SASH1: variants seen among roughly 807,000 people sequenced by gnomAD.
The protein encoded by SASH1 is SAM and SH3 domain-containing protein 1.
A neutral mutation model predicts 125.2 loss-of-function variants in SASH1; 44 were observed. That is an observed-to-expected ratio of 0.35 (90% CI 0.28 to 0.45). The LOEUF (loss-of-function observed/expected upper bound fraction) is 0.45. Among genes scored for constraint, SASH1 ranks in the 20% least tolerant of loss-of-function variants. The pLI is 1.00. For synonymous variants in SASH1, 639 were observed against 649.1 expected (o/e 0.98, Z 0.24); for missense variants, 1,426 against 1,614.5 (o/e 0.88, Z 2.00).
chr6:148,482,772 T>C (rs973084324), intron 7 of SASH1, among the ~76,000 whole-genome samples: 5 of 147,280 alleles, frequency 3.4e-5, no homozygotes, highest in Non-Finnish European at 7.4e-5. Flanking sequence ...CACTGCAACC[T>C]CCACCTCCCA....
chr6:148,445,427 T>A (rs551366167), intron 4 of SASH1, among the ~76,000 whole-genome samples: 1 of 152,324 alleles, frequency 6.6e-6, no homozygotes, highest in African/African-American at 2.4e-5. Context: ...CCAGACACTT[T>A]TAAGAATATT....
At chr6:148,295,355 G>C (rs1014313472) in intron 1 of SASH1, among the ~76,000 whole-genome samples, 10 of 152,120 alleles carry the variant, frequency 6.6e-5, no homozygotes, top group Admixed American at 6.6e-4. Context: ...CTCTCTTCCA[G>C]TTTTTGCTTT....
chr6:148,474,231 G>T lies in SASH1; in HGVS notation c.627+9G>T, dbSNP rs1333276117. On this transcript the variant is annotated intron_variant, in intron 7 of 19. Transcript: ENST00000367467. Reference sequence around the variant, plus strand: ...AGGAAGCACTTGCTAGGGTAAGCATGCAGATACCTGGTTTATATTTGTGAG... The same window carrying T: ...AGGAAGCACTTGCTAGGGTAAGCATTCAGATACCTGGTTTATATTTGTGAG... 6.6e-7 allele frequency: 1 copy of T among 1,514,342 alleles called. No individual in the cohort carries two copies. Among genetic ancestry groups the T allele is most frequent in the South Asian group, 1.2e-5 (1 of 85,000 alleles). 93.8% of individuals were successfully genotyped at this position (1,514,342 alleles called of 1,614,324 possible).
chr6:148,251,162 A>G, the SASH1 span, among the ~76,000 whole-genome samples: 113 of 152,332 alleles, frequency 7.4e-4, no homozygotes, highest in Non-Finnish European at 1.1e-3. Flanking sequence ...TGGCTAGCCC[A>G]TTATGTTCTC....
intron 1 of SASH1, among the ~76,000 whole-genome samples, chr6:148,371,540 T>A (rs1782705638): frequency 6.6e-6 from 1 of 152,078 alleles, no homozygotes; most frequent in African/African-American, 2.4e-5. Flanking sequence ...AGTGTTGGGA[T>A]TACAGGCGTG....
At chr6:148,266,449 A>AT in the SASH1 span, among the ~76,000 whole-genome samples, 1 of 152,334 alleles carries the variant, frequency 6.6e-6, no homozygotes, top group Admixed American at 6.5e-5. Flanking sequence ...GATATAACAT[A>AT]TATGACCTAC....
At chr6:148,478,274 TAA>T (rs2115159930) in intron 7 of SASH1, among the ~76,000 whole-genome samples, 1 of 152,280 alleles carries the variant, frequency 6.6e-6, no homozygotes, top group African/African-American at 2.4e-5. Flanking sequence ...GGAAGCAACC[TAA>T]GTGTCCATCA....
At chr6:148,294,833 C>A (rs1443201584) in intron 1 of SASH1, among the ~76,000 whole-genome samples, 3 of 152,108 alleles carry the variant, frequency 2.0e-5, no homozygotes, top group Non-Finnish European at 4.4e-5. Context: ...GAGTTTCTTT[C>A]TAAAGGGGTT....
chr6:148,356,983 T>C (rs1266214371), intron 1 of SASH1, among the ~76,000 whole-genome samples: 2 of 152,262 alleles, frequency 1.3e-5, no homozygotes, highest in African/African-American at 4.8e-5. Context: ...TTGTATATCT[T>C]CTTTTGAGAA....
At chr6:148,390,970 A>G (rs117358954) in intron 2 of SASH1, among the ~76,000 whole-genome samples, 1 of 151,552 alleles carries the variant, frequency 6.6e-6, no homozygotes, top group East Asian at 1.9e-4. Flanking sequence ...TCTTTTGGAA[A>G]GCAACATAAA....
intron 1 of SASH1, among the ~76,000 whole-genome samples, chr6:148,371,834 C>T (rs1047034460): frequency 6.6e-5 from 10 of 152,134 alleles, no homozygotes; most frequent in African/African-American, 1.9e-4. Context: ...ATTCTAATGG[C>T]CTACTGAGAA....
intron 1 of SASH1, among the ~76,000 whole-genome samples, chr6:148,371,283 C>CT (rs991334753): frequency 4.5e-4 from 65 of 145,070 alleles, no homozygotes; most frequent in Non-Finnish European, 5.5e-4. Context: ...GTTGGCTATT[C>CT]TTTTTTTTTT....
intron 1 of SASH1, among the ~76,000 whole-genome samples, chr6:148,351,846 A>G (rs1426675585): frequency 6.6e-6 from 1 of 152,014 alleles, no homozygotes; most frequent in Admixed American, 6.6e-5. Context: ...GTGTTTCAAC[A>G]TTAAATTATT....
chr6:148,248,265 C>T, the SASH1 span, among the ~76,000 whole-genome samples: 1 of 152,186 alleles, frequency 6.6e-6, no homozygotes, highest in Non-Finnish European at 1.5e-5. Flanking sequence ...ATAGTGCAGC[C>T]TAGGGTCCTG....
At chr6:148,231,704 C>T in the SASH1 span, among the ~76,000 whole-genome samples, 1 of 151,966 alleles carries the variant, frequency 6.6e-6, no homozygotes, top group African/African-American at 2.4e-5. Context: ...GAAAGGTGAA[C>T]ATAAGCTCAG....
chr6:148,265,948 T>C, the SASH1 span, among the ~76,000 whole-genome samples: 1 of 152,178 alleles, frequency 6.6e-6, no homozygotes, highest in Non-Finnish European at 1.5e-5. Flanking sequence ...GAAGTTGTCA[T>C]TGTCAATCAT....
intron 8 of SASH1, among the ~76,000 whole-genome samples, chr6:148,497,026 T>G (rs370237648): frequency 2.6e-5 from 4 of 152,168 alleles, no homozygotes; most frequent in East Asian, 3.8e-4. Context: ...GGTAGGAGAT[T>G]ATAGGAGGAA....
intron 12 of SASH1, among the ~76,000 whole-genome samples, chr6:148,531,077 C>G (rs1316835568): frequency 6.6e-6 from 1 of 151,570 alleles, no homozygotes; most frequent in African/African-American, 2.4e-5. Flanking sequence ...TTTTTTTTTC[C>G]AGGAATACAC....
At chr6:148,446,170 G>A (rs1033858758) in intron 4 of SASH1, among the ~76,000 whole-genome samples, 6 of 128,154 alleles carry the variant, frequency 4.7e-5, no homozygotes, top group East Asian at 2.4e-4. Context: ...GTGCAGTGGC[G>A]CGATCTTGGC....
Sources: gnomAD v4.1 joint callset for allele counts (sites outside exome capture counted in the v4.1 genomes callset) on GRCh38, gnomAD v4.1.1 for gene constraint, MANE v1.5 for transcripts, NCBI Gene and HGNC (gene_info 2026-07-23, HGNC 2026-07-21) for gene names.